Variants in NR2C2 observed in about 807,000 individuals in gnomAD.
NR2C2 encodes nuclear receptor subfamily 2 group C member 2.
A neutral mutation model predicts 62.9 loss-of-function variants in NR2C2; 6 were observed. The observed-to-expected ratio is 0.10, with a 90% confidence interval of 0.05 to 0.19. The LOEUF is 0.19. Among genes scored for constraint, NR2C2 ranks in the 10% least tolerant of loss-of-function variants. The probability of loss-of-function intolerance (pLI) is 1.00; values close to 1 mark genes in which losing one functional copy is unlikely to be tolerated. For missense variants in NR2C2, 479 were observed against 762.7 expected (o/e 0.63, Z 4.38); for synonymous variants, 272 against 273.8 (o/e 0.99, Z 0.07).
chr3:15,016,154 T>C lies in NR2C2; in HGVS notation c.276T>C (p.Ile92=), dbSNP rs780611574. ...GTTCGTTTCCTGATTTCTCTCAGATTGTCACGGATTCTGCCTCTGTGGAGC... is the reference window on the plus strand; with the variant it reads ...GTTCGTTTCCTGATTTCTCTCAGATCGTCACGGATTCTGCCTCTGTGGAGC... ...SDNLVPGRIQ[I]VTDSASVERL... is the part of the protein sequence containing the mutation. The change falls in exon 4 of 14, where the codon ATT becomes ATC. Residue 92 remains isoleucine, a splice_region_variant and synonymous_variant. Coordinates refer to ENST00000425241, the MANE Select transcript of NR2C2 (RefSeq NM_001291694.2). The C allele has an allele frequency of 4.3e-6, 7 of 1,613,184 alleles. No individual in the cohort carries two copies. In the Admixed American group the frequency reaches 1.2e-4, roughly 27 times the overall value.
chr3:15,014,004 A>G (rs1217982211), intron 3 of NR2C2, among the ~76,000 whole-genome samples: 1 of 152,208 alleles, frequency 6.6e-6, no homozygotes, highest in Non-Finnish European at 1.5e-5. Context: ...AGAGGATGGA[A>G]GTAGAACCTG....
chr3:14,958,616 T>G (rs578167311), intron 1 of NR2C2, among the ~76,000 whole-genome samples: 1 of 152,350 alleles, frequency 6.6e-6, no homozygotes, highest in South Asian at 2.1e-4. Flanking sequence ...CCAAGAAGGT[T>G]GTTTTTAAAA....
Position 15,048,428 on chromosome 3 carries a change from T to C in NR2C2, c.*5420T>C, listed in dbSNP as rs1236205522. ...AATTAAAGTGTGAGCTTAAGAAAAG[T>C]ATCTTTGCGGGGAGAAAAATGTCAG... On this transcript the variant is annotated 3_prime_UTR_variant, in exon 14 of 14. Coordinates refer to ENST00000425241, the MANE Select transcript of NR2C2 (RefSeq NM_001291694.2). The C allele has an allele frequency of 2.0e-5, 3 of 152,650 alleles. No homozygotes were observed. The highest frequency in any genetic ancestry group is 2.1e-4 in the South Asian group (1 of 4,838). 9.5% of individuals were successfully genotyped at this position (152,650 alleles called of 1,614,324 possible).
chr3:15,037,198 T>A, intron 11 of NR2C2, among the ~76,000 whole-genome samples: 1 of 143,496 alleles, frequency 7.0e-6, no homozygotes, highest in African/African-American at 2.7e-5. Flanking sequence ...TGTTGTGTTA[T>A]TGTTTTTTGT....
intron 1 of NR2C2, among the ~76,000 whole-genome samples, chr3:14,981,126 G>C (rs142433301): frequency 1.3e-5 from 2 of 152,240 alleles, no homozygotes; most frequent in East Asian, 3.9e-4. Flanking sequence ...ATTAAACTTT[G>C]TGCCTTGGCA....
chr3:14,976,733 T>C (rs1217208511), intron 1 of NR2C2, among the ~76,000 whole-genome samples: 1 of 151,708 alleles, frequency 6.6e-6, no homozygotes, highest in Non-Finnish European at 1.5e-5. Flanking sequence ...GGCTAATTGA[T>C]AGTTTGATGA....
At position 14,993,859 on chromosome 3, in the gene NR2C2, A is replaced by G. The variant is rs182929082; in HGVS notation, c.-39-10017A>G. Among the ~76,000 whole-genome samples, 25 of 152,298 alleles carry G rather than the reference A, an allele frequency of 1.6e-4. 1 individual carries two copies. In the East Asian group the frequency reaches 4.8e-3, roughly 29 times the overall value. ...GGGAATAAATAAAATTTGCAGATGT[A>G]TCCCTGAACAGGTGAGGAAGCCAAA... On this transcript the variant is annotated intron_variant, in intron 1 of 13. Coordinates refer to ENST00000425241, the MANE Select transcript of NR2C2 (RefSeq NM_001291694.2).
At chr3:15,010,543 A>G (rs539083179) in intron 2 of NR2C2, among the ~76,000 whole-genome samples, 1 of 151,480 alleles carries the variant, frequency 6.6e-6, no homozygotes, top group South Asian at 2.1e-4. Context: ...GTAAGACCCC[A>G]TCTCTAGAGA....
At chr3:14,958,730 C>G (rs2039600689) in intron 1 of NR2C2, among the ~76,000 whole-genome samples, 1 of 152,204 alleles carries the variant, frequency 6.6e-6, no homozygotes. Context: ...GTAATCCCAG[C>G]ACTTTGGAAG....
chr3:15,008,231 T>A (rs896190796), intron 2 of NR2C2, among the ~76,000 whole-genome samples: 7 of 151,170 alleles, frequency 4.6e-5, no homozygotes, highest in South Asian at 4.2e-4. Context: ...TTTTTTTTTT[T>A]AAATTAGGGG....
intron 1 of NR2C2, among the ~76,000 whole-genome samples, chr3:14,955,602 C>G (rs2039501794): frequency 6.6e-6 from 1 of 152,120 alleles, no homozygotes; most frequent in Admixed American, 6.5e-5. Context: ...AGTGCTGAGT[C>G]TCAGTTTTTT....
intron 1 of NR2C2, among the ~76,000 whole-genome samples, chr3:14,983,377 A>G (rs1328529042): frequency 6.6e-6 from 1 of 151,498 alleles, no homozygotes; most frequent in African/African-American, 2.4e-5. Flanking sequence ...GGTAATGTGA[A>G]TTAGCTTGAC....
intron 1 of NR2C2, among the ~76,000 whole-genome samples, chr3:14,991,749 CTTTTTTTTT>C (rs869094168): frequency 3.8e-4 from 50 of 132,234 alleles, no homozygotes; most frequent in Non-Finnish European, 1.5e-4. Flanking sequence ...TCCCTTTTTT[CTTTTTTTTT>C]TTTCTTTTTC....
intron 1 of NR2C2, among the ~76,000 whole-genome samples, chr3:14,971,668 A>G (rs760436166): frequency 4.6e-5 from 7 of 151,634 alleles, no homozygotes; most frequent in Non-Finnish European, 1.0e-4. Flanking sequence ...TTGTTTTTTG[A>G]TAAAAGCTAC....
chr3:14,992,963 C>T (rs1312205256), intron 1 of NR2C2, among the ~76,000 whole-genome samples: 1 of 152,142 alleles, frequency 6.6e-6, no homozygotes, highest in Non-Finnish European at 1.5e-5. Context: ...GTGATCCTGT[C>T]CTTTGCAACT....
At chr3:15,023,068 T>C (rs1252088852) in intron 5 of NR2C2, 132 bp from the exon 6 acceptor site, 6 of 984,044 alleles carry the variant, frequency 6.1e-6, no homozygotes, top group Admixed American at 2.6e-5. Flanking sequence ...AAAAGTCCAC[T>C]GTGAAAGCTG....
At chr3:14,966,509 C>G (rs2039863503) in intron 1 of NR2C2, among the ~76,000 whole-genome samples, 1 of 152,154 alleles carries the variant, frequency 6.6e-6, no homozygotes, top group African/African-American at 2.4e-5. Context: ...ATCACTTGAT[C>G]CCAGGAGTTC....
chr3:14,967,047 G>T (rs573790213), intron 1 of NR2C2, among the ~76,000 whole-genome samples: 1 of 152,236 alleles, frequency 6.6e-6, no homozygotes, highest in East Asian at 1.9e-4. Flanking sequence ...CTTGTTACAG[G>T]TCTGTTCATA....
At chr3:14,994,751 T>TA (rs1361909648) in intron 1 of NR2C2, among the ~76,000 whole-genome samples, 2 of 126,250 alleles carry the variant, frequency 1.6e-5, no homozygotes, top group Admixed American at 8.4e-5. Context: ...TATTCATTCT[T>TA]TAAAAAAAAA....
Sources: gnomAD v4.1 joint callset for allele counts (sites outside exome capture counted in the v4.1 genomes callset) on GRCh38, gnomAD v4.1.1 for gene constraint, MANE v1.5 for transcripts, NCBI Gene and HGNC (gene_info 2026-07-23, HGNC 2026-07-21) for gene names.